The following CSRNP3 variants were observed in gnomAD, a reference collection of about 807,000 sequenced individuals.
The protein encoded by CSRNP3 is cysteine and serine rich nuclear protein 3, also known as cysteine/serine-rich nuclear protein 3.
Under a neutral mutation model 48.0 loss-of-function variants are expected in CSRNP3, and 12 were observed. That is an observed-to-expected ratio of 0.25 (90% CI 0.16 to 0.41). The LOEUF is 0.41. Among genes scored for constraint, CSRNP3 ranks in the 10% least tolerant of loss-of-function variants. The probability of loss-of-function intolerance (pLI) is 1.00; values close to 1 mark genes in which losing one functional copy is unlikely to be tolerated. For synonymous variants in CSRNP3, 263 were observed against 269.7 expected (o/e 0.98, Z 0.24); for missense variants, 580 against 724.4 (o/e 0.80, Z 2.29).
At chr2:165,578,051 A>G (rs1223982452) in intron 3 of CSRNP3, among the ~76,000 whole-genome samples, 1 of 152,064 alleles carries the variant, frequency 6.6e-6, no homozygotes, top group Non-Finnish European at 1.5e-5. Flanking sequence ...TATCAACAGA[A>G]ATTTGAACTT....
intron 1 of CSRNP3, among the ~76,000 whole-genome samples, chr2:165,487,765 AG>A (rs1158897010): frequency 2.7e-5 from 4 of 150,688 alleles, no homozygotes; most frequent in Non-Finnish European, 4.4e-5. Flanking sequence ...TGTCACCACC[AG>A]GCCTGCCCTA....
intron 1 of CSRNP3, among the ~76,000 whole-genome samples, chr2:165,478,675 T>C (rs1200437350): frequency 6.6e-6 from 1 of 152,186 alleles, no homozygotes; most frequent in East Asian, 1.9e-4. Context: ...AGAAATTGAG[T>C]AGGAAACCTA....
chr2:165,644,639 C>G (rs1686781744), intron 4 of CSRNP3, among the ~76,000 whole-genome samples: 1 of 152,052 alleles, frequency 6.6e-6, no homozygotes, highest in African/African-American at 2.4e-5. Flanking sequence ...AGCAAGCATG[C>G]TTTGGAAATG....
chr2:165,611,080 G>A (rs962929730), intron 4 of CSRNP3, among the ~76,000 whole-genome samples: 1 of 152,092 alleles, frequency 6.6e-6, no homozygotes, highest in Non-Finnish European at 1.5e-5. Flanking sequence ...TAGAAGAAAT[G>A]GATAGTAACC....
intron 3 of CSRNP3, among the ~76,000 whole-genome samples, chr2:165,593,442 G>T (rs1685756351): frequency 6.6e-6 from 1 of 151,800 alleles, no homozygotes; most frequent in Admixed American, 6.6e-5. Flanking sequence ...TTGTAGATCT[G>T]GGATGGGAGC....
At chr2:165,514,160 T>A (rs908131059) in intron 2 of CSRNP3, among the ~76,000 whole-genome samples, 3 of 152,220 alleles carry the variant, frequency 2.0e-5, no homozygotes, top group African/African-American at 7.2e-5. Flanking sequence ...AGTTTTAAAC[T>A]CCTCAAACAT....
chr2:165,655,365 G>A (rs1012737554), intron 4 of CSRNP3, among the ~76,000 whole-genome samples: 2 of 152,152 alleles, frequency 1.3e-5, no homozygotes, highest in Admixed American at 6.6e-5. Flanking sequence ...TTTTTTAACC[G>A]TTGATAATTT....
chr2:165,676,703 G>A, intron 6 of CSRNP3, 95 bp downstream of exon 6: 1 of 1,169,680 alleles, frequency 8.5e-7, no homozygotes, highest in Non-Finnish European at 1.2e-6. Context: ...CTTCCCACAT[G>A]TAAAAGAAAA....
chr2:165,514,751 A>G (rs905222303), intron 2 of CSRNP3, among the ~76,000 whole-genome samples: 1 of 151,772 alleles, frequency 6.6e-6, no homozygotes, highest in Non-Finnish European at 1.5e-5. Flanking sequence ...CTCCTTAAAC[A>G]TTTTTTTAGA....
intron 4 of CSRNP3, among the ~76,000 whole-genome samples, chr2:165,606,366 CAA>C (rs1229143916): frequency 4.1e-4 from 26 of 63,084 alleles, no homozygotes; most frequent in Middle Eastern, 0.015. Flanking sequence ...GCTAATGCAG[CAA>C]AAAAAAAAAA....
intron 3 of CSRNP3, among the ~76,000 whole-genome samples, chr2:165,520,798 T>C (rs1367075837): frequency 4.8e-4 from 14 of 29,180 alleles, no homozygotes; most frequent in Admixed American, 1.7e-3. Flanking sequence ...TATATATATA[T>C]ATATATATAT....
intron 3 of CSRNP3, among the ~76,000 whole-genome samples, chr2:165,558,859 C>T (rs1037866202): frequency 9.9e-5 from 15 of 152,164 alleles, no homozygotes; most frequent in African/African-American, 7.2e-5. Flanking sequence ...GAGCTGTACA[C>T]GTGATGACCT....
chr2:165,592,152 G>A (rs969206190), intron 3 of CSRNP3, among the ~76,000 whole-genome samples: 3 of 152,210 alleles, frequency 2.0e-5, no homozygotes, highest in Non-Finnish European at 4.4e-5. Context: ...AGTCAAATGA[G>A]ATCATTTTGG....
At chr2:165,491,750 T>G in intron 1 of CSRNP3, among the ~76,000 whole-genome samples, 1 of 116,630 alleles carries the variant, frequency 8.6e-6, no homozygotes, top group Admixed American at 9.5e-5. Context: ...AATTGAACAA[T>G]GAGATCACAT....
rs577448683 is a variant in CSRNP3 at position 165,473,410 on chromosome 2, T to C, written c.-283+3670T>C. ...ATGGAGGGGTGGCATTTACAAGAAATGGAAATAACATGAGAGTAAGAAAGC... is the reference window on the plus strand; with the variant it reads ...ATGGAGGGGTGGCATTTACAAGAAACGGAAATAACATGAGAGTAAGAAAGC... On this transcript the variant is annotated intron_variant, in intron 1 of 6. Coordinates refer to ENST00000651982, the MANE Select transcript of CSRNP3 (RefSeq NM_001172173.2). Among the ~76,000 whole-genome samples the C allele has an allele frequency of 2.0e-5, 3 of 152,164 alleles. No homozygotes were observed. The South Asian group carries it at 6.2e-4, about 32-fold the overall frequency.
intron 2 of CSRNP3, among the ~76,000 whole-genome samples, chr2:165,497,061 C>T (rs10930168): frequency 0.25 from 38,392 of 151,842 alleles, 5,026 homozygotes; most frequent in East Asian, 0.38. Flanking sequence ...TTGTTCTGAG[C>T]ACCTGAACAG....
chr2:165,502,395 C>G (rs1014399970), intron 2 of CSRNP3, among the ~76,000 whole-genome samples: 2 of 151,860 alleles, frequency 1.3e-5, no homozygotes, highest in Non-Finnish European at 2.9e-5. Context: ...TTAAAAATCT[C>G]TATATATTTT....
chr2:165,533,354 C>A (rs6740989), intron 3 of CSRNP3, among the ~76,000 whole-genome samples: 1 of 152,048 alleles, frequency 6.6e-6, no homozygotes. Flanking sequence ...TCGTTTTCAC[C>A]CTCCAATCTC....
At chr2:165,594,972 C>A in intron 3 of CSRNP3, 71 bp from the exon 4 acceptor site, 1 of 1,403,392 alleles carries the variant, frequency 7.1e-7, no homozygotes, top group Non-Finnish European at 9.9e-7. Flanking sequence ...ATAAAAATGA[C>A]TCTGGAGACC....
Sources: gnomAD v4.1 joint callset for allele counts (sites outside exome capture counted in the v4.1 genomes callset) on GRCh38, gnomAD v4.1.1 for gene constraint, MANE v1.5 for transcripts, NCBI Gene and HGNC (gene_info 2026-07-23, HGNC 2026-07-21) for gene names.